The following ANKRD44 variants were observed in gnomAD, a reference collection of about 807,000 sequenced individuals.
The protein encoded by ANKRD44 is serine/threonine-protein phosphatase 6 regulatory ankyrin repeat subunit B.
Under a neutral mutation model 116.0 loss-of-function variants are expected in ANKRD44, and 35 were observed. The observed-to-expected ratio is 0.30, with a 90% CI of 0.23 to 0.40. The LOEUF is 0.40. Ranked by LOEUF, ANKRD44 falls within the 10% of genes least tolerant of loss-of-function variation. ANKRD44 has a pLI of 1.00. For missense variants in ANKRD44, 1,014 were observed against 1,242.6 expected (o/e 0.82, Z 2.77); for synonymous variants, 435 against 461.8 (o/e 0.94, Z 0.74).
chr2:197,054,514 A>C (rs1324721826), intron 16 of ANKRD44, among the ~76,000 whole-genome samples: 1 of 152,234 alleles, frequency 6.6e-6, no homozygotes, highest in Non-Finnish European at 1.5e-5. Flanking sequence ...AAGACAATAA[A>C]GTGCCTGTAG....
chr2:197,028,847 T>C (rs983409259), intron 16 of ANKRD44: 20 of 195,890 alleles, frequency 1.0e-4, no homozygotes, highest in Middle Eastern at 2.1e-3. Context: ...GTCATTTTTT[T>C]CCTCTCTTTC....
intron 1 of ANKRD44, 107 bp downstream of exon 1, chr2:197,310,471 C>T: frequency 1.2e-6 from 1 of 810,604 alleles, no homozygotes; most frequent in Non-Finnish European, 1.5e-6. Context: ...CCCTTCGCCG[C>T]GAGTAAACAG....
chr2:196,988,376 T>C lies in ANKRD44; in HGVS notation c.*1215A>G, dbSNP rs1254901137. On this transcript the variant is annotated 3_prime_UTR_variant, in exon 28 of 28. Transcript: ENST00000282272. The stretch of plus-strand genomic sequence containing the variant: ...AATTTATCTGCTTTTTAAAAATTCA[T>C]CTTCTCTAAACAAACGAAAAGGACA... 6 of 985,420 alleles carry C rather than the reference T, an allele frequency of 6.1e-6. No homozygotes were observed. Among genetic ancestry groups the C allele is most frequent in the Non-Finnish European group, 6.0e-6 (5 of 829,926 alleles). The allele number at this position is 985,420 out of a possible 1,614,324, so 61.0% of individuals were successfully genotyped here. A position where few individuals can be genotyped will look rare whatever the true frequency, so the allele number is the denominator to read the frequency against.
At chr2:197,273,980 AATAT>A (rs1164251927) in intron 1 of ANKRD44, among the ~76,000 whole-genome samples, 38 of 43,890 alleles carry the variant, frequency 8.7e-4, no homozygotes, top group South Asian at 3.0e-3. Flanking sequence ...AAAAAAAAAA[AATAT>A]ATATATATAT....
At chr2:197,275,873 T>C (rs1036136546) in intron 1 of ANKRD44, among the ~76,000 whole-genome samples, 3 of 152,240 alleles carry the variant, frequency 2.0e-5, no homozygotes, top group Non-Finnish European at 2.9e-5. Context: ...TATCTAAGTC[T>C]AGATCTTAAC....
chr2:196,980,883 T>A (rs896888630), intron 21 of ANKRD44, among the ~76,000 whole-genome samples: 21 of 152,230 alleles, frequency 1.4e-4, no homozygotes, highest in Admixed American at 1.4e-3. Context: ...TAAAGTAAAA[T>A]ACCTGAATAA....
intron 16 of ANKRD44, among the ~76,000 whole-genome samples, chr2:197,061,033 G>A (rs550046287): frequency 3.3e-5 from 5 of 152,078 alleles, no homozygotes; most frequent in Non-Finnish European, 5.9e-5. Context: ...ATTTCCTTTA[G>A]ATATATATCT....
At chr2:197,189,876 G>C (rs960362806) in intron 1 of ANKRD44, among the ~76,000 whole-genome samples, 1 of 152,150 alleles carries the variant, frequency 6.6e-6, no homozygotes, top group Non-Finnish European at 1.5e-5. Flanking sequence ...TCCCAGTTGC[G>C]AGTGTACGGA....
downstream of ANKRD44, among the ~76,000 whole-genome samples, chr2:196,984,296 AC>A (rs566263949): frequency 6.6e-6 from 1 of 151,708 alleles, no homozygotes; most frequent in Non-Finnish European, 1.5e-5. Flanking sequence ...AGCCCTGCCC[AC>A]CCCCCAGCCA....
intron 15 of ANKRD44, among the ~76,000 whole-genome samples, chr2:197,080,222 T>C (rs2077761772): frequency 6.6e-6 from 1 of 152,236 alleles, no homozygotes; most frequent in African/African-American, 2.4e-5. Context: ...CTATATATAC[T>C]AACAACAGTA....
chr2:197,278,019 G>A (rs6434924), intron 1 of ANKRD44, among the ~76,000 whole-genome samples: 115,748 of 152,040 alleles, frequency 0.76, 44,389 homozygotes, highest in East Asian at 0.89. Context: ...TAGTAACAGC[G>A]TAAAGCAGTT....
At chr2:197,167,266 C>A (rs2080120555) in intron 2 of ANKRD44, among the ~76,000 whole-genome samples, 1 of 152,022 alleles carries the variant, frequency 6.6e-6, no homozygotes, top group Non-Finnish European at 1.5e-5. Flanking sequence ...TTTATTCTTT[C>A]ATAAACTTCA....
intron 17 of ANKRD44, among the ~76,000 whole-genome samples, chr2:197,018,717 G>C (rs1273506654): frequency 6.6e-6 from 1 of 152,162 alleles, no homozygotes; most frequent in Non-Finnish European, 1.5e-5. Flanking sequence ...GCACACAGTA[G>C]ACACTCAATA....
intron 2 of ANKRD44, among the ~76,000 whole-genome samples, chr2:197,152,777 A>C (rs1227141285): frequency 6.6e-6 from 1 of 152,210 alleles, no homozygotes; most frequent in Non-Finnish European, 1.5e-5. Context: ...ATGCTTTGGA[A>C]ATTCTCAGCT....
intron 1 of ANKRD44, among the ~76,000 whole-genome samples, chr2:197,210,314 A>G (rs1277125912): frequency 1.3e-5 from 2 of 152,220 alleles, no homozygotes; most frequent in Non-Finnish European, 2.9e-5. Context: ...CACTTTTCAT[A>G]CATTATATTG....
rs181617572 is a variant in ANKRD44, at chr2:196,989,038, C to T, written c.*553G>A. On this transcript the variant is annotated 3_prime_UTR_variant, in exon 28 of 28. Coordinates refer to ENST00000282272, the MANE Select transcript of ANKRD44 (RefSeq NM_001195144.2). ...GATGCGTAGCCCTCTCTAACCAACG[C>T]GGAAGAACCTGAGGGTCATCTGGAA... 13 of 985,302 alleles carry T rather than the reference C, an allele frequency of 1.3e-5. No homozygotes were observed. Among genetic ancestry groups the T allele is most frequent in the East Asian group, 1.1e-4 (1 of 8,814 alleles). The allele number at this position is 985,302 out of a possible 1,614,324, so 61.0% of individuals were successfully genotyped here.
chr2:197,129,952 G>A (rs1375660653), intron 4 of ANKRD44, among the ~76,000 whole-genome samples: 1 of 152,176 alleles, frequency 6.6e-6, no homozygotes, highest in African/African-American at 2.4e-5. Flanking sequence ...TTATACAACT[G>A]TCTGTACTCT....
At chr2:197,187,235 T>C in intron 1 of ANKRD44, 129 bp from the exon 2 acceptor site, 2 of 856,994 alleles carry the variant, frequency 2.3e-6, no homozygotes, top group Admixed American at 4.2e-5. Context: ...CAAAGATGAA[T>C]AAGACTCAGA....
At chr2:197,236,140 C>T (rs2081972910) in intron 1 of ANKRD44, among the ~76,000 whole-genome samples, 1 of 152,178 alleles carries the variant, frequency 6.6e-6, no homozygotes, top group Admixed American at 6.5e-5. Flanking sequence ...ACTCCTTCTG[C>T]AGGGCAAACA....
Sources: allele counts gnomAD v4.1 joint callset (sites outside exome capture counted in the v4.1 genomes callset), GRCh38; gene constraint gnomAD v4.1.1; transcripts MANE v1.5; gene names NCBI Gene and HGNC (gene_info 2026-07-23, HGNC 2026-07-21).